The following DNAI3 variants were observed in gnomAD, a reference collection of about 807,000 sequenced individuals.
DNAI3 encodes dynein axonemal intermediate chain 3.
In DNAI3, 83 loss-of-function variants were observed where a neutral mutation model predicts 115.5. The observed-to-expected ratio is 0.72, with a 90% confidence interval of 0.60 to 0.86. The LOEUF (loss-of-function observed/expected upper bound fraction) is 0.86, where lower values mean the gene tolerates loss of function less well. Among genes scored for constraint, DNAI3 ranks in the 40% least tolerant of loss-of-function variants. The pLI, the probability that DNAI3 is intolerant of heterozygous loss-of-function variation, is 0.00. For synonymous variants in DNAI3, 320 were observed against 347.0 expected, an observed-to-expected ratio of 0.92 and a Z score of 0.86; for missense variants, 1,004 against 1,075.8, an observed-to-expected ratio of 0.93 and a Z score of 0.93.
At chr1:85,084,267 TATATATATATACACATCC>T (rs1557710640) in intron 5 of DNAI3, among the ~76,000 whole-genome samples, 3 of 110,236 alleles carry the variant, frequency 2.7e-5, no homozygotes, top group East Asian at 2.9e-4. Flanking sequence ...TATATATATA[TATATATATATACACATCC>T]ATATGTAGAG....
chr1:85,074,861 A>AC (rs1192128564), intron 3 of DNAI3, among the ~76,000 whole-genome samples: 1 of 152,146 alleles, frequency 6.6e-6, no homozygotes, highest in African/African-American at 2.4e-5. Flanking sequence ...ATTCCTTAAC[A>AC]CTGAACTCAT....
At chr1:85,076,390 C>T (rs1557707604) in intron 3 of DNAI3, among the ~76,000 whole-genome samples, 1 of 151,974 alleles carries the variant, frequency 6.6e-6, no homozygotes, top group East Asian at 1.9e-4. Context: ...AAGTAGAGAT[C>T]CGTAACATAA....
intron 5 of DNAI3, 77 bp downstream of exon 5, chr1:85,082,481 T>A: frequency 8.6e-7 from 1 of 1,164,182 alleles, no homozygotes; most frequent in Non-Finnish European, 1.3e-6. Context: ...GCTCTTGCTC[T>A]GTCACCCAGG....
chr1:85,114,820 G>T (rs1055158075), intron 16 of DNAI3, among the ~76,000 whole-genome samples: 2 of 152,190 alleles, frequency 1.3e-5, no homozygotes, highest in African/African-American at 4.8e-5. Context: ...GAGGCCTGTT[G>T]AGACTTAGTG....
intron 1 of DNAI3, among the ~76,000 whole-genome samples, chr1:85,065,139 A>C (rs187978217): frequency 2.0e-4 from 30 of 152,268 alleles, no homozygotes; most frequent in Admixed American, 9.1e-4. Flanking sequence ...GAGGTCAGCT[A>C]ATTGAAGAAG....
At chr1:85,126,432 C>G (rs531667771) in intron 19 of DNAI3, 79 bp from the exon 20 acceptor site, 13 of 1,437,850 alleles carry the variant, frequency 9.0e-6, no homozygotes, top group Non-Finnish European at 1.2e-5. Flanking sequence ...TTGAGTTGTA[C>G]TTAATGAACA....
intron 11 of DNAI3, among the ~76,000 whole-genome samples, chr1:85,096,469 T>TAG (rs1282454576): frequency 6.8e-6 from 1 of 147,218 alleles, no homozygotes; most frequent in Non-Finnish European, 1.5e-5. Flanking sequence ...TATATATATA[T>TAG]ATAGATAGAT....
At chr1:85,122,272 G>A (rs886266596) in intron 18 of DNAI3, among the ~76,000 whole-genome samples, 15 of 152,162 alleles carry the variant, frequency 9.9e-5, no homozygotes, top group African/African-American at 3.6e-4. Flanking sequence ...AGCAGAGTAT[G>A]GGAAAAGGGA....
At chr1:85,128,355 T>C (rs1043163339) in intron 20 of DNAI3, among the ~76,000 whole-genome samples, 2 of 152,174 alleles carry the variant, frequency 1.3e-5, no homozygotes, top group East Asian at 3.8e-4. Flanking sequence ...TTTGAAAATC[T>C]TTCCATGTGT....
intron 1 of DNAI3, among the ~76,000 whole-genome samples, chr1:85,066,312 C>CTT (rs1367226003): frequency 2.4e-4 from 15 of 61,682 alleles, no homozygotes; most frequent in South Asian, 7.1e-4. Context: ...TCTTCTGCTA[C>CTT]TCTTTTTTTT....
At chr1:85,084,277 T>TATATAC (rs59205168) in intron 5 of DNAI3, among the ~76,000 whole-genome samples, 8,506 of 128,154 alleles carry the variant, frequency 0.066, 422 homozygotes, top group East Asian at 0.12. Flanking sequence ...TATATATATA[T>TATATAC]ACACATCCAT....
chr1:85,096,577 T>C (rs1655133656), intron 11 of DNAI3, among the ~76,000 whole-genome samples: 2 of 150,832 alleles, frequency 1.3e-5, no homozygotes, highest in South Asian at 2.1e-4. Flanking sequence ...TCTTTTTAAG[T>C]TATCTAATAT....
At chr1:85,127,049 C>T (rs892795479) in intron 20 of DNAI3, among the ~76,000 whole-genome samples, 8 of 152,142 alleles carry the variant, frequency 5.3e-5, no homozygotes, top group Admixed American at 1.3e-4. Flanking sequence ...TTCTCTTCTC[C>T]GGGTCAGACA....
At chr1:85,131,459 A>AT (rs1446166964) in intron 22 of DNAI3, among the ~76,000 whole-genome samples, 77 of 148,722 alleles carry the variant, frequency 5.2e-4, no homozygotes, top group African/African-American at 1.8e-3. Context: ...AAAAAAAAAA[A>AT]AAAATAAAGC....
At chr1:85,092,656 A>G (rs941082345) in intron 8 of DNAI3, among the ~76,000 whole-genome samples, 1 of 152,194 alleles carries the variant, frequency 6.6e-6, no homozygotes, top group Non-Finnish European at 1.5e-5. Context: ...CCTAGCACTC[A>G]GATGGTATCT....
intron 22 of DNAI3, among the ~76,000 whole-genome samples, chr1:85,130,664 A>C (rs1656284265): frequency 7.0e-6 from 1 of 143,460 alleles, no homozygotes; most frequent in Admixed American, 7.2e-5. Flanking sequence ...TAGATTAGAT[A>C]GATGATAGAT....
intron 3 of DNAI3, among the ~76,000 whole-genome samples, chr1:85,079,596 G>A (rs1373353711): frequency 1.3e-5 from 2 of 152,108 alleles, no homozygotes; most frequent in African/African-American, 4.8e-5. Flanking sequence ...TGGGAGTTGG[G>A]GAGAGAGTCC....
Position 85,093,340 on chromosome 1 carries a change from A to G in DNAI3, c.858-118A>G, listed in dbSNP as rs1332813845. The G allele has an allele frequency of 6.4e-6, 6 of 940,304 alleles. No homozygotes were observed. In the Admixed American group the frequency reaches 1.7e-4, roughly 26 times the overall value. The allele number at this position is 940,304 out of a possible 1,614,324, so 58.2% of individuals were successfully genotyped here. On this transcript the variant is annotated intron_variant, in intron 8 of 22. Transcript: ENST00000294664. ...AGGTTAATCATTATCACCAAATATA[A>G]TTGAGAATTATTATTTTTTGTTCAG...
chr1:85,084,098 C>A (rs888122837), intron 5 of DNAI3, among the ~76,000 whole-genome samples: 1 of 144,324 alleles, frequency 6.9e-6, no homozygotes, highest in Non-Finnish European at 1.5e-5. Flanking sequence ...TCAATCCATT[C>A]CTCTATTGAT....
Sources: gnomAD v4.1 joint callset for allele counts (sites outside exome capture counted in the v4.1 genomes callset) on GRCh38, gnomAD v4.1.1 for gene constraint, MANE v1.5 for transcripts, NCBI Gene and HGNC (gene_info 2026-07-23, HGNC 2026-07-21) for gene names.